KMT2C: variants seen among roughly 807,000 people sequenced by gnomAD.
KMT2C encodes the protein lysine methyltransferase 2C, also known as histone-lysine N-methyltransferase 2C.
In KMT2C, 88 loss-of-function variants were observed where a neutral mutation model predicts 507.9. The observed-to-expected ratio is 0.17, with a 90% CI of 0.15 to 0.21. The LOEUF (loss-of-function observed/expected upper bound fraction) is 0.21, where lower values mean the gene tolerates loss of function less well. KMT2C is among the 10% of genes least tolerant of loss of function. The pLI is 1.00. For missense variants in KMT2C, 4,954 were observed against 5,957.8 expected, an observed-to-expected ratio of 0.83 and a Z score of 5.55; for synonymous variants, 2,049 against 2,080.8, an observed-to-expected ratio of 0.98 and a Z score of 0.42.
At chr7:152,201,232 T>C in intron 26 of KMT2C, among the ~76,000 whole-genome samples, 1 of 151,542 alleles carries the variant, frequency 6.6e-6, no homozygotes, top group East Asian at 1.9e-4. Flanking sequence ...CCATATCGTC[T>C]CTAAAAGTCC....
chr7:152,376,136 C>G (rs959665807), intron 1 of KMT2C, among the ~76,000 whole-genome samples: 1 of 152,176 alleles, frequency 6.6e-6, no homozygotes, highest in Non-Finnish European at 1.5e-5. Flanking sequence ...TTTGGAACAC[C>G]ATGAACCACG....
At chr7:152,172,080 GTA>G (rs1450015825) in intron 39 of KMT2C, among the ~76,000 whole-genome samples, 2 of 152,182 alleles carry the variant, frequency 1.3e-5, no homozygotes, top group Non-Finnish European at 1.5e-5. Flanking sequence ...TCCAAAAGCT[GTA>G]TATTACTATT....
intron 13 of KMT2C, among the ~76,000 whole-genome samples, chr7:152,248,903 GA>G (rs1209961313): frequency 6.6e-6 from 1 of 152,022 alleles, no homozygotes; most frequent in Non-Finnish European, 1.5e-5. Context: ...TTTTAGTTAA[GA>G]AAATGAGGAT....
Position 152,213,082 on chromosome 7 carries a change from T to C in KMT2C, c.3713-5654A>G, listed in dbSNP as rs144153355. 3.7e-4 allele frequency among the ~76,000 whole-genome samples: 56 copies of C among 152,270 alleles called. No homozygotes were observed. The East Asian group carries it at 0.011, about 29-fold the overall frequency. On this transcript the variant is annotated intron_variant, in intron 23 of 58. Transcript: ENST00000262189. ...AAAAAAAACTAAAGACACAAATAAA[T>C]ATAACGATATCCCCATGTTTGTAGA...
chr7:152,192,045 A>G (rs570391148), intron 31 of KMT2C, among the ~76,000 whole-genome samples: 26 of 152,110 alleles, frequency 1.7e-4, no homozygotes, highest in East Asian at 7.7e-4. Flanking sequence ...AAGAAAAAAA[A>G]AAAAAGAAAA....
chr7:152,232,155 A>G (rs887134594), intron 16 of KMT2C, among the ~76,000 whole-genome samples: 1 of 152,186 alleles, frequency 6.6e-6, no homozygotes, highest in Non-Finnish European at 1.5e-5. Flanking sequence ...CTGGGATTAC[A>G]GGCATGAGCC....
At chr7:152,328,414 C>A (rs2129210563) in intron 3 of KMT2C, among the ~76,000 whole-genome samples, 1 of 152,210 alleles carries the variant, frequency 6.6e-6, no homozygotes, top group South Asian at 2.1e-4. Context: ...GCAGAGCAAG[C>A]ACCAAAGCTC....
chr7:152,371,075 T>C (rs960081224), intron 1 of KMT2C, among the ~76,000 whole-genome samples: 1 of 152,180 alleles, frequency 6.6e-6, no homozygotes, highest in Non-Finnish European at 1.5e-5. Context: ...AAACTCACTA[T>C]AAAGATAACA....
In KMT2C at chr7:152,182,378, C is replaced by T. The variant is rs2129120911; in HGVS notation, c.5482G>A (p.Glu1828Lys). 6.2e-7 allele frequency: 1 copy of T among 1,613,186 alleles called. No individual in the cohort carries two copies. Among genetic ancestry groups the T allele is most frequent in the East Asian group, 2.2e-5 (1 of 44,866 alleles). ...CTGGGTGGCTGTTTTGTAAACAGTT[C>T]TTTATGGAATGACTGTGCAGGAGAC... ...NMSPAQSFHK[E>K]LFTKQPPSTP... The change falls in exon 36 of 59, where the codon GAA (glutamate) becomes AAA (lysine). Residue 1828 changes from glutamate to lysine, a missense_variant. By Grantham distance (56) the Glu-to-Lys change is moderately conservative. This residue lies in a region of KMT2C where 1,689 missense variants were observed against 1,654.3 expected (regional missense o/e 1.02). Transcript: ENST00000262189.
At chr7:152,399,108 C>T (rs1469980974) in intron 1 of KMT2C, among the ~76,000 whole-genome samples, 1 of 152,042 alleles carries the variant, frequency 6.6e-6, no homozygotes, top group Non-Finnish European at 1.5e-5. Flanking sequence ...GGATTTCAGG[C>T]GCTCACCACC....
chr7:152,149,240 G>A, intron 51 of KMT2C, 88 bp from the exon 52 acceptor site: 1 of 1,279,242 alleles, frequency 7.8e-7, no homozygotes, highest in Non-Finnish European at 1.0e-6. Context: ...TGAGCAGTAT[G>A]ACTGAAGAGG....
At chr7:152,280,776 C>T (rs796323583) in intron 6 of KMT2C, among the ~76,000 whole-genome samples, 2 of 152,162 alleles carry the variant, frequency 1.3e-5, no homozygotes, top group Non-Finnish European at 2.9e-5. Flanking sequence ...TTTATTGTAA[C>T]AGATAACAAA....
chr7:152,170,507 GTGTT>G (rs1053365653), intron 40 of KMT2C, among the ~76,000 whole-genome samples: 12 of 152,134 alleles, frequency 7.9e-5, no homozygotes, highest in East Asian at 1.9e-4. Context: ...TCTACTTGCT[GTGTT>G]TGTTTGTTTG....
At chr7:152,401,155 G>A (rs111993674) in intron 1 of KMT2C, among the ~76,000 whole-genome samples, 1 of 146,908 alleles carries the variant, frequency 6.8e-6, no homozygotes. Flanking sequence ...GCACCATCTC[G>A]GCTCACTGCA....
rs2093089735 is a variant in KMT2C at position 152,174,117 on chromosome 7, G to A, written c.9374+14C>T. ...TCTAGATGCCCAGTAGAAACAAGCA[G>A]CCACTCCACCTACCTGCTCATCACC... On this transcript the variant is annotated intron_variant, in intron 39 of 58. Transcript: ENST00000262189. The A allele has an allele frequency of 2.1e-6, 3 of 1,408,378 alleles. No individual in the cohort carries two copies. The highest frequency in any genetic ancestry group is 2.9e-5 in the African/African-American group (2 of 69,024). The allele number at this position is 1,408,378 out of a possible 1,614,324, so 87.2% of individuals were successfully genotyped here. A position where few individuals can be genotyped will look rare whatever the true frequency, so the allele number is the denominator to read the frequency against.
chr7:152,290,436 C>T lies in KMT2C; in HGVS notation c.850-16569G>A, dbSNP rs555281832. Among the ~76,000 whole-genome samples, 436 of 148,394 alleles carry T rather than the reference C, an allele frequency of 2.9e-3. 5 individuals carry two copies. The highest frequency in any genetic ancestry group is 0.01 in the African/African-American group (406 of 40,470). On this transcript the variant is annotated intron_variant, in intron 6 of 58. Coordinates refer to ENST00000262189, the MANE Select transcript of KMT2C (RefSeq NM_170606.3). ...AGCGATTCTCTGTCTCGGCCTCCCCCGTAGATGGGACTGCAGGTGCCTGCT... is the reference window on the plus strand; with the variant it reads ...AGCGATTCTCTGTCTCGGCCTCCCCTGTAGATGGGACTGCAGGTGCCTGCT...
chr7:152,253,070 A>C (rs1257264101), intron 9 of KMT2C, among the ~76,000 whole-genome samples: 1 of 151,944 alleles, frequency 6.6e-6, no homozygotes, highest in African/African-American at 2.4e-5. Flanking sequence ...GGCCAGGCTC[A>C]TCTTCAACTC....
At chr7:152,219,036 C>G (rs2094679361) in intron 23 of KMT2C, among the ~76,000 whole-genome samples, 1 of 151,488 alleles carries the variant, frequency 6.6e-6, no homozygotes, top group Admixed American at 6.6e-5. Context: ...GTGGTGCAAT[C>G]TCAGCTCACT....
intron 3 of KMT2C, among the ~76,000 whole-genome samples, chr7:152,318,690 TA>T (rs1279041092): frequency 7.9e-6 from 1 of 127,282 alleles, no homozygotes; most frequent in Non-Finnish European, 1.7e-5. Flanking sequence ...AAATGACATA[TA>T]AAACAAGGAC....
Sources: allele counts gnomAD v4.1 joint callset (sites outside exome capture counted in the v4.1 genomes callset), GRCh38; gene constraint gnomAD v4.1.1; regional missense constraint gnomAD v4.1.1; transcripts MANE v1.5; gene names NCBI Gene and HGNC (gene_info 2026-07-23, HGNC 2026-07-21).